The following PREP variants were observed in gnomAD, a reference collection of about 807,000 sequenced individuals.
PREP encodes the protein prolyl endopeptidase, also known as dJ355L5.1 (prolyl endopeptidase).
Under a neutral mutation model 87.6 loss-of-function variants are expected in PREP, and 29 were observed. The observed-to-expected ratio is 0.33, with a 90% CI of 0.25 to 0.45. PREP has a LOEUF of 0.45. Ranked by LOEUF, PREP falls within the 20% of genes least tolerant of loss-of-function variation. PREP has a pLI of 1.00. For missense variants in PREP, 695 were observed against 886.5 expected (o/e 0.78, Z 2.74); for synonymous variants, 337 against 328.6 (o/e 1.03, Z -0.28).
intron 8 of PREP, among the ~76,000 whole-genome samples, chr6:105,330,954 T>C (rs1771313194): frequency 6.6e-6 from 1 of 152,214 alleles, no homozygotes; most frequent in East Asian, 1.9e-4. Context: ...TGTGGCTTAA[T>C]GTTTTAAAGA....
intron 10 of PREP, among the ~76,000 whole-genome samples, chr6:105,319,879 A>G (rs1487538392): frequency 2.0e-5 from 3 of 152,148 alleles, no homozygotes; most frequent in Non-Finnish European, 2.9e-5. Flanking sequence ...TCACATCTGT[A>G]TGTTTCAACT....
intron 5 of PREP, among the ~76,000 whole-genome samples, chr6:105,371,913 G>A (rs1457310614): frequency 6.6e-6 from 1 of 152,122 alleles, no homozygotes; most frequent in Admixed American, 6.6e-5. Flanking sequence ...ATGTAATAAC[G>A]TTCTCTAACA....
Position 105,331,310 on chromosome 6 carries a change from ACCCC to A in PREP, c.1015+2000_1015+2003del, listed in dbSNP as rs534297510. Among the ~76,000 whole-genome samples, 293 of 151,724 alleles carry A rather than the reference ACCCC, an allele frequency of 1.9e-3. 4 individuals carry two copies. Among genetic ancestry groups the A allele is most frequent in the East Asian group, 8.2e-3 (42 of 5,152 alleles). On this transcript the variant is annotated intron_variant, in intron 8 of 14. Transcript: ENST00000652536. ...AGAAGGAAGGTTATACAAATATATC[ACCCC>A]CCCAACAAAATCTCCTAGCATTAAT... is the stretch of plus-strand genomic sequence containing the variant.
intron 10 of PREP, among the ~76,000 whole-genome samples, chr6:105,309,218 T>A (rs1317837026): frequency 6.6e-6 from 1 of 152,106 alleles, no homozygotes; most frequent in Non-Finnish European, 1.5e-5. Flanking sequence ...ATTTATTAAG[T>A]AGCCACTTTA....
At chr6:105,398,251 C>A (rs1224192324) in intron 1 of PREP, among the ~76,000 whole-genome samples, 1 of 152,168 alleles carries the variant, frequency 6.6e-6, no homozygotes, top group Non-Finnish European at 1.5e-5. Context: ...AGCAGCCAAG[C>A]ACAGAATGAC....
chr6:105,324,335 C>A (rs1771090887), intron 9 of PREP, among the ~76,000 whole-genome samples: 1 of 152,170 alleles, frequency 6.6e-6, no homozygotes, highest in African/African-American at 2.4e-5. Context: ...GTAGATATTT[C>A]AAAATTGCTT....
At chr6:105,327,720 T>G (rs149780605) in intron 9 of PREP, among the ~76,000 whole-genome samples, 1 of 152,002 alleles carries the variant, frequency 6.6e-6, no homozygotes, top group Non-Finnish European at 1.5e-5. Context: ...CAAAACTGAG[T>G]GGGACAAAAA....
At chr6:105,290,934 A>C (rs1048252890) in intron 10 of PREP, among the ~76,000 whole-genome samples, 1 of 152,222 alleles carries the variant, frequency 6.6e-6, no homozygotes, top group African/African-American at 2.4e-5. Context: ...TCTTGAAATA[A>C]ACATACAGGC....
intron 10 of PREP, among the ~76,000 whole-genome samples, chr6:105,309,054 A>C (rs771417333): frequency 1.1e-4 from 17 of 152,076 alleles, no homozygotes; most frequent in Non-Finnish European, 5.9e-5. Context: ...TATGCCAAGC[A>C]AAGCAAGGAG....
intron 10 of PREP, among the ~76,000 whole-genome samples, chr6:105,315,311 A>C (rs970781001): frequency 3.3e-5 from 5 of 152,148 alleles, no homozygotes; most frequent in African/African-American, 9.7e-5. Context: ...CTACAGGCAC[A>C]TGCCACCATG....
At chr6:105,364,838 A>G (rs1341894574) in intron 6 of PREP, among the ~76,000 whole-genome samples, 1 of 152,234 alleles carries the variant, frequency 6.6e-6, no homozygotes, top group Non-Finnish European at 1.5e-5. Flanking sequence ...CAGACACTGT[A>G]AAAACTGTTA....
chr6:105,325,614 G>T lies in PREP; in HGVS notation c.1214-1846C>A, dbSNP rs141588864. ...GAAGGAGGCTGTGTTAAACCTGAAG[G>T]TACTGGCACTTAATATATTTTATCG... On this transcript the variant is annotated intron_variant, in intron 9 of 14. Transcript: ENST00000652536. Among the ~76,000 whole-genome samples, 329 of 152,250 alleles carry T rather than the reference G, an allele frequency of 2.2e-3. 1 individual carries two copies. The highest frequency in any genetic ancestry group is 7.5e-3 in the African/African-American group (310 of 41,546).
chr6:105,380,727 A>G (rs904004256), intron 2 of PREP, among the ~76,000 whole-genome samples: 2 of 152,170 alleles, frequency 1.3e-5, no homozygotes, highest in Non-Finnish European at 2.9e-5. Context: ...ACAAGACCCC[A>G]GCATGCTGAG....
At chr6:105,335,160 C>T (rs1462566686) in intron 7 of PREP, among the ~76,000 whole-genome samples, 6 of 152,152 alleles carry the variant, frequency 3.9e-5, no homozygotes, top group Non-Finnish European at 7.4e-5. Flanking sequence ...CCACTAAAAT[C>T]CCTTGGAAAA....
At chr6:105,373,698 T>C (rs1772616552) in intron 4 of PREP, 120 bp from the exon 5 acceptor site, 4 of 1,031,990 alleles carry the variant, frequency 3.9e-6, no homozygotes, top group Non-Finnish European at 5.6e-6. Context: ...ATAAAAGGAA[T>C]AGGAATCTGG....
intron 7 of PREP, among the ~76,000 whole-genome samples, chr6:105,341,257 G>A (rs1771640771): frequency 6.6e-6 from 1 of 152,172 alleles, no homozygotes; most frequent in Admixed American, 6.5e-5. Context: ...TCAACTACAT[G>A]GAAACTGAAC....
chr6:105,356,907 A>T (rs1332932724), intron 6 of PREP, among the ~76,000 whole-genome samples: 2 of 152,142 alleles, frequency 1.3e-5, no homozygotes, highest in Non-Finnish European at 2.9e-5. Flanking sequence ...CCAATCTAAA[A>T]ATCTGTATTC....
intron 7 of PREP, among the ~76,000 whole-genome samples, chr6:105,348,866 A>C (rs147877389): frequency 0.04 from 6,030 of 151,332 alleles, 302 homozygotes; most frequent in East Asian, 0.17. Flanking sequence ...GTGACAGAGC[A>C]AGATTCCGTC....
At chr6:105,386,785 C>T (rs915885582) in intron 2 of PREP, among the ~76,000 whole-genome samples, 1 of 152,180 alleles carries the variant, frequency 6.6e-6, no homozygotes, top group African/African-American at 2.4e-5. Flanking sequence ...ATACTGAAAT[C>T]CAATGCTCCA....
Sources: gnomAD v4.1 joint callset for allele counts (sites outside exome capture counted in the v4.1 genomes callset) on GRCh38, gnomAD v4.1.1 for gene constraint, MANE v1.5 for transcripts, NCBI Gene and HGNC (gene_info 2026-07-23, HGNC 2026-07-21) for gene names.